Variants in PTPRD observed in about 807,000 individuals in gnomAD.
PTPRD encodes the protein protein tyrosine phosphatase receptor type D.
Under a neutral mutation model 214.5 loss-of-function variants are expected in PTPRD, and 34 were observed. The ratio of observed to expected loss-of-function variants is 0.16; its 90% CI spans 0.12 to 0.21. The LOEUF (loss-of-function observed/expected upper bound fraction) is 0.21, where lower values mean the gene tolerates loss of function less well. PTPRD is among the 10% of genes least tolerant of loss of function. The probability of loss-of-function intolerance (pLI) is 1.00; values close to 1 mark genes in which losing one functional copy is unlikely to be tolerated. For synonymous variants in PTPRD, 1,128 were observed against 845.7 expected (o/e 1.33, Z -5.79); for missense variants, 2,545 against 2,398.7 (o/e 1.06, Z -1.27).
chr9:9,907,159 C>T (rs2077804773), intron 5 of PTPRD, among the ~76,000 whole-genome samples: 1 of 32,420 alleles, frequency 3.1e-5, no homozygotes, highest in Non-Finnish European at 6.1e-5. Context: ...ATTCCCCAAA[C>T]TCCAGGTTTT....
At chr9:10,210,098 A>C (rs1393514434) in intron 3 of PTPRD, among the ~76,000 whole-genome samples, 1 of 152,192 alleles carries the variant, frequency 6.6e-6, no homozygotes. Context: ...AAAACTATTC[A>C]TTTCTACAAA....
At position 10,263,868 on chromosome 9, in the gene PTPRD, G is replaced by A. The variant is rs555491465; in HGVS notation, c.-545+77095C>T. ...GAGGCATAGGAGGAAAAATGGTTTC[G>A]TAGGCCAGGCCAGGGACCCTCCTGC... On this transcript the variant is annotated intron_variant, in intron 3 of 45. Transcript: ENST00000381196. Among the ~76,000 whole-genome samples the A allele has an allele frequency of 7.2e-5, 11 of 152,168 alleles. No homozygotes were observed. In the South Asian group the frequency reaches 1.7e-3, roughly 23 times the overall value.
intron 11 of PTPRD, among the ~76,000 whole-genome samples, chr9:8,967,813 T>G (rs1423000006): frequency 6.6e-6 from 1 of 152,126 alleles, no homozygotes; most frequent in African/African-American, 2.4e-5. Context: ...GCAGGTGTGT[T>G]ACATATGTAT....
chr9:10,236,455 T>C (rs1453476166), intron 3 of PTPRD, among the ~76,000 whole-genome samples: 1 of 151,948 alleles, frequency 6.6e-6, no homozygotes, highest in Non-Finnish European at 1.5e-5. Flanking sequence ...TTCCATGTTA[T>C]CCCAAGGGTT....
chr9:8,496,489 G>A (rs1233591507), intron 26 of PTPRD, among the ~76,000 whole-genome samples: 6 of 152,096 alleles, frequency 3.9e-5, no homozygotes, highest in African/African-American at 1.4e-4. Context: ...CCTTGCAGTG[G>A]CATATACATA....
chr9:8,713,508 G>C, intron 12 of PTPRD: 1 of 1,177,074 alleles, frequency 8.5e-7, no homozygotes, highest in Non-Finnish European at 1.3e-6. Flanking sequence ...ACTGTGGTCA[G>C]GTGTTTGAGA....
chr9:9,495,982 C>T (rs892493424), intron 8 of PTPRD, among the ~76,000 whole-genome samples: 1 of 152,208 alleles, frequency 6.6e-6, no homozygotes, highest in Non-Finnish European at 1.5e-5. Flanking sequence ...ATGAAGCTTG[C>T]TCCTGTGTCA....
At chr9:8,392,592 G>C (rs956969563) in intron 36 of PTPRD, among the ~76,000 whole-genome samples, 1 of 152,112 alleles carries the variant, frequency 6.6e-6, no homozygotes, top group Non-Finnish European at 1.5e-5. Flanking sequence ...ATACCTGGTA[G>C]AGCAAATTAT....
At chr9:8,432,383 C>T (rs1027222541) in intron 35 of PTPRD, among the ~76,000 whole-genome samples, 4 of 152,212 alleles carry the variant, frequency 2.6e-5, no homozygotes, top group East Asian at 3.8e-4. Flanking sequence ...ACGGCCTTTA[C>T]AGTACAGGAA....
At chr9:9,947,167 A>G (rs2153983367) in intron 4 of PTPRD, among the ~76,000 whole-genome samples, 1 of 147,964 alleles carries the variant, frequency 6.8e-6, no homozygotes, top group African/African-American at 2.5e-5. Flanking sequence ...CATATTCAGT[A>G]CAATGAGTAG....
intron 3 of PTPRD, among the ~76,000 whole-genome samples, chr9:10,214,429 A>ATT (rs35115543): frequency 0.028 from 3,334 of 120,666 alleles, 145 homozygotes; most frequent in African/African-American, 0.094. Flanking sequence ...AAGCCCAACT[A>ATT]TTTTTTTTTT....
chr9:10,283,057 A>C (rs926517925), intron 3 of PTPRD, among the ~76,000 whole-genome samples: 1 of 151,946 alleles, frequency 6.6e-6, no homozygotes, highest in South Asian at 2.1e-4. Context: ...TTCAAGTTCT[A>C]TTATTCTCCA....
At position 8,524,951 on chromosome 9, in the gene PTPRD, G is replaced by A. The variant is rs2139185782; in HGVS notation, c.653C>T (p.Ser218Phe). 1 of 1,613,606 alleles carries A rather than the reference G, an allele frequency of 6.2e-7. No individual in the cohort carries two copies. Among genetic ancestry groups the A allele is most frequent in the Non-Finnish European group, 8.5e-7 (1 of 1,179,622 alleles). The change falls in exon 18 of 46, where the codon TCC (serine) becomes TTC (phenylalanine). Residue 218 changes from serine (S) to phenylalanine (F), a missense_variant. Physicochemically the swap from Ser to Phe is radical, Grantham distance 155. Transcript: ENST00000381196. ...VATNSAGTRY[S>F]APANLYVREL... The stretch of plus-strand genomic sequence containing the variant: ...TCTGACATATAAATTGGCAGGAGCG[G>A]AATAGCGAGTGCCCGCGCTGTTGGT...
intron 3 of PTPRD, among the ~76,000 whole-genome samples, chr9:10,201,590 G>A (rs2099422779): frequency 6.6e-6 from 1 of 152,086 alleles, no homozygotes; most frequent in East Asian, 1.9e-4. Context: ...ATGTGTGTGT[G>A]TGCATGTGTG....
Position 10,335,452 on chromosome 9 carries a change from C to T in PTPRD, c.-545+5511G>A, listed in dbSNP as rs1263284995. ...ACCCTTAACAAAAGTTAACTCAAAACATATCACAGACCCAAGTGTAAAAGC... is the reference window on the plus strand; with the variant it reads ...ACCCTTAACAAAAGTTAACTCAAAATATATCACAGACCCAAGTGTAAAAGC... On this transcript the variant is annotated intron_variant, in intron 3 of 45. Transcript: ENST00000381196. Among the ~76,000 whole-genome samples the T allele has an allele frequency of 5.9e-5, 9 of 151,680 alleles. No homozygotes were observed. In the Admixed American group the frequency reaches 5.9e-4, roughly 10 times the overall value.
intron 11 of PTPRD, among the ~76,000 whole-genome samples, chr9:8,749,807 G>C (rs910030805): frequency 6.6e-6 from 1 of 152,062 alleles, no homozygotes; most frequent in African/African-American, 2.4e-5. Flanking sequence ...AAACGTACAA[G>C]ACAGCAAGGT....
chr9:8,599,012 T>A (rs1369635529), intron 14 of PTPRD, among the ~76,000 whole-genome samples: 1 of 152,160 alleles, frequency 6.6e-6, no homozygotes, highest in Admixed American at 6.5e-5. Context: ...GTAGCTCCCA[T>A]AATTATAACG....
At chr9:9,683,159 C>G (rs117308902) in intron 7 of PTPRD, among the ~76,000 whole-genome samples, 1 of 151,632 alleles carries the variant, frequency 6.6e-6, no homozygotes, top group African/African-American at 2.4e-5. Context: ...ACCATTTGGA[C>G]GAATAAGTTA....
chr9:8,587,831 T>G (rs1266014966), intron 14 of PTPRD, among the ~76,000 whole-genome samples: 1 of 152,218 alleles, frequency 6.6e-6, no homozygotes, highest in Non-Finnish European at 1.5e-5. Flanking sequence ...AAATCCCGAC[T>G]GTGGCAAATA....
Sources: allele counts gnomAD v4.1 joint callset (sites outside exome capture counted in the v4.1 genomes callset), GRCh38; gene constraint gnomAD v4.1.1; transcripts MANE v1.5; gene names NCBI Gene and HGNC (gene_info 2026-07-23, HGNC 2026-07-21).